The following PRKCE variants were observed in gnomAD, a reference collection of about 807,000 sequenced individuals.
PRKCE encodes protein kinase C epsilon type.
In PRKCE, 16 loss-of-function variants were observed where a neutral mutation model predicts 85.4. The ratio of observed to expected loss-of-function variants is 0.19; its 90% CI spans 0.13 to 0.28. PRKCE has a LOEUF of 0.28. Among genes scored for constraint, PRKCE ranks in the 10% least tolerant of loss-of-function variants. The pLI, the probability that PRKCE is intolerant of heterozygous loss-of-function variation, is 1.00. For synonymous variants in PRKCE, 388 were observed against 371.5 expected (o/e 1.04, Z -0.51); for missense variants, 573 against 975.2 (o/e 0.59, Z 5.49).
chr2:45,842,486 A>C (rs963683313), intron 1 of PRKCE, among the ~76,000 whole-genome samples: 1 of 152,178 alleles, frequency 6.6e-6, no homozygotes, highest in Admixed American at 6.5e-5. Context: ...TATAAAGAAC[A>C]TGGGTTTCTC....
chr2:45,667,290 A>G (rs1454318839), intron 1 of PRKCE, among the ~76,000 whole-genome samples: 1 of 152,050 alleles, frequency 6.6e-6, no homozygotes, highest in Non-Finnish European at 1.5e-5. Context: ...CAGCCTGGGT[A>G]ACAGGTTGAG....
At position 46,001,646 on chromosome 2, in the gene PRKCE, G is replaced by C. The variant is rs926508044; in HGVS notation, c.966+100G>C. 1 of 1,361,624 alleles carries C rather than the reference G, an allele frequency of 7.3e-7. No homozygotes were observed. Among genetic ancestry groups the C allele is most frequent in the African/African-American group, 1.5e-5 (1 of 67,818 alleles). The allele number at this position is 1,361,624 out of a possible 1,614,324, so 84.3% of individuals were successfully genotyped here. ...CTGGAGTGAGGTAATAAGATTCCTG[G>C]GTTTGAGGTATTTTACTCAGAACTG... is the stretch of plus-strand genomic sequence containing the variant. On this transcript the variant is annotated intron_variant, in intron 7 of 14. Transcript: ENST00000306156. The surrounding 1 kb of genome is among the most constrained non-coding windows in gnomAD (Gnocchi z 4.4).
chr2:46,136,008 C>T (rs1228048409), intron 11 of PRKCE, among the ~76,000 whole-genome samples: 1 of 151,814 alleles, frequency 6.6e-6, no homozygotes, highest in Non-Finnish European at 1.5e-5. Context: ...ACCAATATTC[C>T]CATCTGATTG....
intron 2 of PRKCE, among the ~76,000 whole-genome samples, chr2:45,897,944 G>T (rs181673822): frequency 2.6e-4 from 40 of 152,256 alleles, no homozygotes; most frequent in Middle Eastern, 6.8e-3. Flanking sequence ...CCCAACCTCT[G>T]GTGTGATTTG....
chr2:45,995,120 A>T (rs1269665966), intron 6 of PRKCE, among the ~76,000 whole-genome samples: 2 of 152,018 alleles, frequency 1.3e-5, no homozygotes. Flanking sequence ...TCTTTTGCCC[A>T]TTGGGTTATT....
At chr2:45,711,765 C>T (rs1278755165) in intron 1 of PRKCE, among the ~76,000 whole-genome samples, 1 of 152,110 alleles carries the variant, frequency 6.6e-6, no homozygotes, top group East Asian at 1.9e-4. Flanking sequence ...GCTGAGATTA[C>T]AGTCATGCGC....
At chr2:45,982,312 C>G (rs1281010226) in intron 5 of PRKCE, among the ~76,000 whole-genome samples, 1 of 152,236 alleles carries the variant, frequency 6.6e-6, no homozygotes, top group Non-Finnish European at 1.5e-5. Flanking sequence ...TGTGCATACA[C>G]ACATCATACA....
rs750577651 is a variant in PRKCE, at chr2:46,159,336, C to T, written c.1921-270C>T. 2.0e-5 allele frequency among the ~76,000 whole-genome samples: 3 copies of T among 152,032 alleles called. No individual in the cohort carries two copies. The highest frequency in any genetic ancestry group is 2.4e-5 in the African/African-American group (1 of 41,400). On this transcript the variant is annotated intron_variant, in intron 13 of 14. Transcript: ENST00000306156. The surrounding 1 kb of genome is among the most constrained non-coding windows in gnomAD (Gnocchi z 4.1). The stretch of plus-strand genomic sequence containing the variant: ...TGACCTCTGTGTGCTTCTAGTGCCT[C>T]GTTTATAATATAGAGACAATGATAG...
intron 1 of PRKCE, among the ~76,000 whole-genome samples, chr2:45,715,400 C>G (rs995032317): frequency 3.3e-5 from 5 of 152,234 alleles, no homozygotes; most frequent in Non-Finnish European, 7.3e-5. Context: ...ATGTCTCTGA[C>G]TTTTGCAGTC....
At chr2:45,864,659 C>A (rs966502724) in intron 2 of PRKCE, among the ~76,000 whole-genome samples, 1 of 152,158 alleles carries the variant, frequency 6.6e-6, no homozygotes, top group Non-Finnish European at 1.5e-5. Context: ...CAAGGGATCC[C>A]AGGTTGCTTG....
intron 10 of PRKCE, among the ~76,000 whole-genome samples, chr2:46,033,945 G>A (rs1474931544): frequency 6.6e-6 from 1 of 152,160 alleles, no homozygotes; most frequent in East Asian, 1.9e-4. Flanking sequence ...TTGAGCTTGG[G>A]ATTTCAGTCT....
intron 1 of PRKCE, among the ~76,000 whole-genome samples, chr2:45,834,535 T>G (rs185641904): frequency 1.1e-4 from 16 of 152,190 alleles, no homozygotes; most frequent in African/African-American, 3.9e-4. Flanking sequence ...CTTTTGCTGA[T>G]TAAGACTCCT....
At chr2:45,680,996 CAT>C (rs1219705496) in intron 1 of PRKCE, among the ~76,000 whole-genome samples, 1 of 152,152 alleles carries the variant, frequency 6.6e-6, no homozygotes, top group Non-Finnish European at 1.5e-5. Flanking sequence ...CATTTAAAGA[CAT>C]AGCATTTTTG....
intron 13 of PRKCE, among the ~76,000 whole-genome samples, chr2:46,158,155 T>C (rs1677401876): frequency 2.0e-5 from 3 of 152,200 alleles, no homozygotes; most frequent in African/African-American, 7.2e-5. Context: ...GGGGAAGAGA[T>C]GTTTAGACAA....
intron 2 of PRKCE, among the ~76,000 whole-genome samples, chr2:45,950,130 A>G (rs1700525654): frequency 6.6e-6 from 1 of 152,256 alleles, no homozygotes; most frequent in Admixed American, 6.5e-5. Flanking sequence ...CCTAAAATGA[A>G]TGCTTAGAAA....
chr2:45,884,953 CCATATATA>C (rs1695138760), intron 2 of PRKCE, among the ~76,000 whole-genome samples: 1 of 49,514 alleles, frequency 2.0e-5, no homozygotes, highest in Non-Finnish European at 3.7e-5. Context: ...TATATGTGAT[CCATATATA>C]TATATATATA....
intron 11 of PRKCE, among the ~76,000 whole-genome samples, chr2:46,104,419 T>G (rs1407315893): frequency 2.0e-5 from 3 of 152,092 alleles, no homozygotes; most frequent in Non-Finnish European, 2.9e-5. Flanking sequence ...TATTTATTGT[T>G]TCAGGCTTAA....
At chr2:46,142,578 C>T (rs1353097700) in intron 11 of PRKCE, among the ~76,000 whole-genome samples, 1 of 152,248 alleles carries the variant, frequency 6.6e-6, no homozygotes, top group East Asian at 1.9e-4. Flanking sequence ...CTCCCCCAGT[C>T]ATAGCCAAGG....
At chr2:45,722,012 A>T (rs1680664834) in intron 1 of PRKCE, among the ~76,000 whole-genome samples, 1 of 151,982 alleles carries the variant, frequency 6.6e-6, no homozygotes, top group African/African-American at 2.4e-5. Context: ...ATTATTAAAG[A>T]TTCCAGAGAG....
Sources: gnomAD v4.1 joint callset for allele counts (sites outside exome capture counted in the v4.1 genomes callset) on GRCh38, gnomAD v4.1.1 for gene constraint, Gnocchi (gnomAD v3.1) non-coding constraint, MANE v1.5 for transcripts, NCBI Gene and HGNC (gene_info 2026-07-23, HGNC 2026-07-21) for gene names.